TDG: variants seen among roughly 807,000 people sequenced by gnomAD.
TDG encodes the protein thymine DNA glycosylase, also known as G/T mismatch-specific thymine DNA glycosylase.
Under a neutral mutation model 46.1 loss-of-function variants are expected in TDG, and 23 were observed. The observed-to-expected ratio is 0.50, with a 90% CI of 0.36 to 0.71. The LOEUF (loss-of-function observed/expected upper bound fraction) is 0.71. Among genes scored for constraint, TDG ranks in the 30% least tolerant of loss-of-function variants. The pLI is 0.00. For missense variants in TDG, 304 were observed against 486.7 expected (o/e 0.62, Z 3.53); for synonymous variants, 115 against 161.3 (o/e 0.71, Z 2.18).
Position 103,983,295 on chromosome 12 carries a change from G to T in TDG, c.698G>T (p.Cys233Phe). 2 of 1,574,942 alleles carry T rather than the reference G, an allele frequency of 1.3e-6. No individual in the cohort carries two copies. Among genetic ancestry groups the T allele is most frequent in the Non-Finnish European group, 1.7e-6 (2 of 1,166,108 alleles). Residue 233 changes from cysteine to phenylalanine, a missense_variant and splice_region_variant, in exon 7 of 10, where the codon TGT (cysteine) becomes TTT (phenylalanine). Coordinates refer to ENST00000392872, the MANE Select transcript of TDG (RefSeq NM_003211.6). ...QPRIAVFNGK[C>F]IYEIFSKEVF... ...TAAATATGTTTGTATTTCATTTTAG[G>T]TATTTATGAAATTTTTAGTAAAGAA...
chr12:103,980,117 A>T (rs946771258), intron 3 of TDG, 45 bp downstream of exon 3: 1 of 1,606,820 alleles, frequency 6.2e-7, no homozygotes. Context: ...GTATTGGGGG[A>T]TCAGCTTTAC....
chr12:103,978,257 G>T (rs1356870946), intron 2 of TDG, among the ~76,000 whole-genome samples: 1 of 151,940 alleles, frequency 6.6e-6, no homozygotes, highest in African/African-American at 2.4e-5. Context: ...GGGGAGCATG[G>T]CAGGATAGTG....
chr12:103,968,499 T>C (rs1180555096), intron 1 of TDG, among the ~76,000 whole-genome samples: 1 of 152,226 alleles, frequency 6.6e-6, no homozygotes, highest in Non-Finnish European at 1.5e-5. Context: ...ACCTAAGTAC[T>C]TTGTTCTGAT....
intron 4 of TDG, among the ~76,000 whole-genome samples, chr12:103,982,043 A>G (rs1593516346): frequency 6.6e-6 from 1 of 152,046 alleles, no homozygotes; most frequent in African/African-American, 2.4e-5. Context: ...CAAACAAAAA[A>G]CAAGCGTAAC....
Position 103,988,579 on chromosome 12 carries a change from T to C in TDG, c.*1489T>C, listed in dbSNP as rs1233218432. 18 of 152,744 alleles carry C rather than the reference T, an allele frequency of 1.2e-4. No individual in the cohort carries two copies. Among genetic ancestry groups the C allele is most frequent in the African/African-American group, 4.1e-4 (17 of 41,486 alleles). The allele number at this position is 152,744 out of a possible 1,614,324, so 9.5% of individuals were successfully genotyped here. ...TTTTTTCACGGGACTGTGTAAAGCA[T>C]GTAACTAGGTATTGCTTTGGTATAT... is the stretch of plus-strand genomic sequence containing the variant. On this transcript the variant is annotated 3_prime_UTR_variant, in exon 10 of 10. Transcript: ENST00000392872.
Position 103,987,124 on chromosome 12 carries a change from A to G in TDG, c.*34A>G, listed in dbSNP as rs1231655577. On this transcript the variant is annotated 3_prime_UTR_variant, in exon 10 of 10. Coordinates refer to ENST00000392872, the MANE Select transcript of TDG (RefSeq NM_003211.6). The stretch of plus-strand genomic sequence containing the variant: ...CTTCTCAGCTCTGCTTAAATGCTGC[A>G]GTTTTAATGCAGTTGTCAACAAGTA... The G allele has an allele frequency of 1.2e-6, 2 of 1,606,152 alleles. No homozygotes were observed. Among genetic ancestry groups the G allele is most frequent in the Non-Finnish European group, 1.7e-6 (2 of 1,174,474 alleles).
chr12:103,982,664 C>T (rs1871901467), intron 4 of TDG, 135 bp from the exon 5 acceptor site: 1 of 763,942 alleles, frequency 1.3e-6, no homozygotes, highest in Non-Finnish European at 2.1e-6. Flanking sequence ...ACTCAGGAGG[C>T]TGAAGTGGGA....
At chr12:103,966,972 A>AT (rs1452042910) in intron 1 of TDG, among the ~76,000 whole-genome samples, 2 of 152,212 alleles carry the variant, frequency 1.3e-5, no homozygotes, top group African/African-American at 4.8e-5. Flanking sequence ...ACTAACCAAA[A>AT]TAAATTAGAG....
chr12:103,985,006 T>G, intron 8 of TDG, 86 bp downstream of exon 8: 1 of 1,118,382 alleles, frequency 8.9e-7, no homozygotes, highest in Non-Finnish European at 1.2e-6. Context: ...CATATACATA[T>G]ATACATATAC....
At chr12:103,971,200 C>T (rs1871270548) in intron 1 of TDG, among the ~76,000 whole-genome samples, 1 of 152,106 alleles carries the variant, frequency 6.6e-6, no homozygotes, top group Admixed American at 6.5e-5. Flanking sequence ...TACCACAGTC[C>T]ATTTTTAGAA....
intron 7 of TDG, among the ~76,000 whole-genome samples, chr12:103,984,109 T>C (rs2136242329): frequency 6.6e-6 from 1 of 152,354 alleles, no homozygotes; most frequent in African/African-American, 2.4e-5. Context: ...CTAAATATAT[T>C]TAAATTTCTC....
chr12:103,982,713 C>T, intron 4 of TDG, 86 bp from the exon 5 acceptor site: 1 of 1,433,298 alleles, frequency 7.0e-7, no homozygotes, highest in Non-Finnish European at 9.6e-7. Context: ...TGCACTGAGC[C>T]ATGATCGTGC....
rs1212874396 is a variant in TDG, at chr12:103,987,333, T to C, written c.*243T>C. 4 of 468,372 alleles carry C rather than the reference T, an allele frequency of 8.5e-6. No individual in the cohort carries two copies. The highest frequency in any genetic ancestry group is 1.5e-5 in the Non-Finnish European group (4 of 265,146). The allele number at this position is 468,372 out of a possible 1,614,324, so 29.0% of individuals were successfully genotyped here. The stretch of plus-strand genomic sequence containing the variant: ...TATCATTCCAGCTTTTTATATACTA[T>C]ATTTCATTTATGAAGAAATTGATTT... On this transcript the variant is annotated 3_prime_UTR_variant, in exon 10 of 10. Transcript: ENST00000392872.
At chr12:103,979,717 C>T (rs1345035833) in intron 2 of TDG, 114 bp from the exon 3 acceptor site, 27 of 1,332,468 alleles carry the variant, frequency 2.0e-5, no homozygotes, top group Non-Finnish European at 2.5e-5. Context: ...ACTGTAAGAG[C>T]TTAATTTTGG....
Position 103,986,890 on chromosome 12 carries a change from T to TA in TDG, c.1091-51dup, listed in dbSNP as rs966834261. 15 of 1,589,002 alleles carry TA rather than the reference T, an allele frequency of 9.4e-6. No individual in the cohort carries two copies. The Admixed American group carries it at 1.9e-4, about 20-fold the overall frequency. ...ATAGAGTAAGACCCAGTCTCTACTTTAAAAAAAGCAAATATTTCTAAATGG... is the reference window on the plus strand; with the variant it reads ...ATAGAGTAAGACCCAGTCTCTACTTTAAAAAAAAGCAAATATTTCTAAATGG... On this transcript the variant is annotated intron_variant, in intron 9 of 9. Transcript: ENST00000392872.
At chr12:103,985,328 C>T (rs1872087317) in intron 8 of TDG, among the ~76,000 whole-genome samples, 1 of 152,086 alleles carries the variant, frequency 6.6e-6, no homozygotes, top group South Asian at 2.1e-4. Flanking sequence ...CCAAGGTCTT[C>T]CCTCTACTCT....
chr12:103,968,698 A>T (rs4135050), intron 1 of TDG, among the ~76,000 whole-genome samples: 115,904 of 152,222 alleles, frequency 0.76, 44,401 homozygotes, highest in East Asian at 1. Context: ...AAGCAGTGTT[A>T]GAGGATTTGT....
intron 1 of TDG, among the ~76,000 whole-genome samples, chr12:103,967,654 A>G (rs1440484332): frequency 6.6e-6 from 1 of 151,844 alleles, no homozygotes; most frequent in African/African-American, 2.4e-5. Flanking sequence ...ACAGGGTTTC[A>G]CCATGTTGGC....
chr12:103,980,530 GCTT>G (rs766657600), intron 3 of TDG: 2 of 228,592 alleles, frequency 8.7e-6, no homozygotes, highest in Non-Finnish European at 1.7e-5. Context: ...TGTGGAGCGA[GCTT>G]CTTGTTGAAA....
Sources: gnomAD v4.1 joint callset for allele counts (sites outside exome capture counted in the v4.1 genomes callset) on GRCh38, gnomAD v4.1.1 for gene constraint, MANE v1.5 for transcripts, NCBI Gene and HGNC (gene_info 2026-07-23, HGNC 2026-07-21) for gene names.